Variants in BMP1 observed in about 807,000 individuals in gnomAD.
BMP1 encodes the protein bone morphogenetic protein 1.
A neutral mutation model predicts 116.8 loss-of-function variants in BMP1; 63 were observed. That is an observed-to-expected ratio of 0.54 (90% confidence interval 0.44 to 0.67). The LOEUF is 0.67. BMP1 is among the 30% of genes least tolerant of loss of function. The probability of loss-of-function intolerance (pLI) is 0.00; values close to 1 mark genes in which losing one functional copy is unlikely to be tolerated. For synonymous variants in BMP1, 536 were observed against 533.4 expected (o/e 1.00, Z -0.07); for missense variants, 1,183 against 1,358.9 (o/e 0.87, Z 2.04).
chr8:22,182,718 T>C (rs1428696662), intron 8 of BMP1, among the ~76,000 whole-genome samples: 1 of 152,210 alleles, frequency 6.6e-6, no homozygotes, highest in African/African-American at 2.4e-5. Flanking sequence ...TCACTGGGGA[T>C]TGACGTTTGG....
intron 1 of BMP1, chr8:22,171,608 T>G (rs1374895476): frequency 6.6e-6 from 1 of 152,250 alleles, no homozygotes; most frequent in Admixed American, 6.5e-5. Flanking sequence ...TATCTATTTT[T>G]GTATATATGT....
Position 22,207,460 on chromosome 8 carries a change from G to A in BMP1, c.2519G>A (p.Arg840His), listed in dbSNP as rs145359380. The change falls in exon 18 of 20, where the codon CGC becomes CAC. Residue 840 changes from arginine (R) to histidine (H), a missense_variant. By Grantham distance (29) the Arg-to-His change is conservative (BLOSUM62 0). Transcript: ENST00000306385. Reference protein sequence around the residue: ...VLATGSRMFLRFYSDNSVQRK... With the variant: ...VLATGSRMFLHFYSDNSVQRK... Reference sequence around the variant, plus strand: ...GCCACAGGCAGCCGCATGTTCCTGCGCTTCTACTCAGATAACTCGGTCCAG... The same window carrying A: ...GCCACAGGCAGCCGCATGTTCCTGCACTTCTACTCAGATAACTCGGTCCAG... 163 of 1,614,060 alleles carry A rather than the reference G, an allele frequency of 1.0e-4. No individual in the cohort carries two copies. Among genetic ancestry groups the A allele is most frequent in the Admixed American group, 2.2e-4 (13 of 60,036 alleles).
At chr8:22,189,459 C>CAT (rs1305471241) in intron 8 of BMP1, among the ~76,000 whole-genome samples, 9 of 147,800 alleles carry the variant, frequency 6.1e-5, no homozygotes, top group African/African-American at 2.2e-4. Flanking sequence ...CACACACACA[C>CAT]ACATATCTTA....
chr8:22,165,878 C>CGTGGGTGTGTGTGTGGGTGTGTGT (rs1432185239), intron 1 of BMP1, among the ~76,000 whole-genome samples: 1 of 67,712 alleles, frequency 1.5e-5, no homozygotes, highest in African/African-American at 4.5e-5. Flanking sequence ...AACTCCTGTG[C>CGTGGGTGTGTGTGTGGGTGTGTGT]GTGCGTGTGT....
In BMP1 at chr8:22,194,872, C is replaced by A; in HGVS notation, c.1592C>A (p.Ser531Tyr). ...AGCCGCCTCTGGCTCAAGTTCGTCTCTGACGGGTCCATTAACAAAGCGGGC... is the reference window on the plus strand; with the variant it reads ...AGCCGCCTCTGGCTCAAGTTCGTCTATGACGGGTCCATTAACAAAGCGGGC... ...TSSRLWLKFVSDGSINKAGFA... is the reference protein window; with the variant it reads ...TSSRLWLKFVYDGSINKAGFA... Residue 531 changes from serine (S) to tyrosine (Y), a missense_variant, in exon 12 of 20, where the codon TCT (serine) becomes TAT (tyrosine). Around this residue, in one of 4 missense-constraint regions of BMP1, gnomAD observed 956 missense variants for 1,135.2 expected, o/e 0.84. Transcript: ENST00000306385. This position sits in a 1 kb window ranked among gnomAD's most constrained non-coding sequence, Gnocchi z 4.5. The A allele has an allele frequency of 6.2e-7, 1 of 1,613,576 alleles. No homozygotes were observed. The highest frequency in any genetic ancestry group is 8.5e-7 in the Non-Finnish European group (1 of 1,179,884).
chr8:22,168,387 C>A (rs899233568), intron 1 of BMP1, among the ~76,000 whole-genome samples: 2 of 151,790 alleles, frequency 1.3e-5, no homozygotes, highest in Admixed American at 6.6e-5. Flanking sequence ...CTAGCCAACA[C>A]CCCCCCGGAG....
chr8:22,201,265 G>C, intron 15 of BMP1: 2 of 1,554,990 alleles, frequency 1.3e-6, no homozygotes, highest in Non-Finnish European at 1.7e-6. Flanking sequence ...GGAATGGGAT[G>C]GGGGCTTCGG....
chr8:22,182,327 A>G (rs949367853), intron 8 of BMP1, among the ~76,000 whole-genome samples: 1 of 152,202 alleles, frequency 6.6e-6, no homozygotes, highest in African/African-American at 2.4e-5. Flanking sequence ...AGAACAGCAC[A>G]CAAACCAAAG....
chr8:22,194,868 G>T lies in BMP1; in HGVS notation c.1588G>T (p.Val530Phe), dbSNP rs374125185. The T allele has an allele frequency of 6.2e-7, 1 of 1,613,636 alleles. No individual in the cohort carries two copies. Among genetic ancestry groups the T allele is most frequent in the African/African-American group, 1.3e-5 (1 of 74,894 alleles). The stretch of plus-strand genomic sequence containing the variant: ...GTCCAGCCGCCTCTGGCTCAAGTTC[G>T]TCTCTGACGGGTCCATTAACAAAGC... Reference protein sequence around the residue: ...STSSRLWLKFVSDGSINKAGF... With the variant: ...STSSRLWLKFFSDGSINKAGF... Residue 530 changes from valine to phenylalanine, a missense_variant, in exon 12 of 20, where the codon GTC becomes TTC. This residue lies in a region of BMP1 where 956 missense variants were observed against 1,135.2 expected (regional missense o/e 0.84). Coordinates refer to ENST00000306385, the MANE Select transcript of BMP1 (RefSeq NM_006129.5). The surrounding 1 kb of genome is among the most constrained non-coding windows in gnomAD (Gnocchi z 4.5).
In BMP1 at chr8:22,179,937, A is replaced by T; in HGVS notation, c.961+108A>T. The T allele has an allele frequency of 8.0e-7, 1 of 1,256,108 alleles. No homozygotes were observed. The highest frequency in any genetic ancestry group is 1.1e-6 in the Non-Finnish European group (1 of 914,984). The allele number at this position is 1,256,108 out of a possible 1,614,324, so 77.8% of individuals were successfully genotyped here. On this transcript the variant is annotated intron_variant, in intron 7 of 19. Transcript: ENST00000306385. The surrounding 1 kb of genome is among the most constrained non-coding windows in gnomAD (Gnocchi z 4.6). Reference sequence around the variant, plus strand: ...AGGCTTAGGCTGCAAGTCTTAGAGAATGGTGTGGCGGGGGAGGGGACCCCA... The same window carrying T: ...AGGCTTAGGCTGCAAGTCTTAGAGATTGGTGTGGCGGGGGAGGGGACCCCA...
At chr8:22,192,923 G>A (rs943427143) in intron 9 of BMP1, among the ~76,000 whole-genome samples, 28 of 152,164 alleles carry the variant, frequency 1.8e-4, no homozygotes, top group Non-Finnish European at 3.5e-4. Context: ...ACAGCCAGAC[G>A]GATATTGCTA....
Position 22,196,754 on chromosome 8 carries a change from A to C in BMP1, c.1840A>C (p.Asn614His). The change falls in exon 14 of 20, where the codon AAC (asparagine) becomes CAC (histidine). Residue 614 changes from asparagine (N) to histidine (H), a missense_variant. Physicochemically the swap from Asn to His is moderately conservative, Grantham distance 68. Transcript: ENST00000306385. ...GGGCTGGCCCAAGGAGTACCCCCCC[A>C]ACAAGAACTGCATCTGGCAGCTGGT... is the stretch of plus-strand genomic sequence containing the variant. Reference protein sequence around the residue: ...SPGWPKEYPPNKNCIWQLVAP... With the variant: ...SPGWPKEYPPHKNCIWQLVAP... 1 of 1,612,434 alleles carries C rather than the reference A, an allele frequency of 6.2e-7. No homozygotes were observed. The highest frequency in any genetic ancestry group is 8.5e-7 in the Non-Finnish European group (1 of 1,179,378).
intron 13 of BMP1, chr8:22,196,321 C>T (rs201799750): frequency 3.8e-4 from 215 of 570,126 alleles, no homozygotes; most frequent in Non-Finnish European, 6.4e-4. Context: ...GCTGTGCCCC[C>T]GAGCTGCTCC....
Position 22,194,068 on chromosome 8 carries a change from C to T in BMP1, c.1191C>T (p.Cys397=), listed in dbSNP as rs776756837. 8.7e-6 allele frequency: 14 copies of T among 1,614,072 alleles called. No individual in the cohort carries two copies. The highest frequency in any genetic ancestry group is 4.5e-5 in the East Asian group (2 of 44,874). The change falls in exon 10 of 20, where the codon TGC becomes TGT. Residue 397 remains cysteine (C), a synonymous_variant. Coordinates refer to ENST00000306385, the MANE Select transcript of BMP1 (RefSeq NM_006129.5). The surrounding 1 kb of genome is among the most constrained non-coding windows in gnomAD (Gnocchi z 4.5). ...WRKAPLRGRF[C]GSKLPEPIVS... ...ACACTGTCTGTGCAGGCCGCTTCTG[C>T]GGGTCCAAACTCCCTGAGCCTATCG...
intron 8 of BMP1, among the ~76,000 whole-genome samples, chr8:22,187,324 A>ATTT (rs1563255890): frequency 6.8e-5 from 10 of 147,002 alleles, no homozygotes; most frequent in African/African-American, 2.0e-4. Flanking sequence ...TTAATTAATT[A>ATTT]ATTAATTTAT....
intron 7 of BMP1, among the ~76,000 whole-genome samples, chr8:22,180,143 A>G (rs1214584032): frequency 2.6e-5 from 4 of 151,858 alleles, no homozygotes; most frequent in African/African-American, 9.7e-5. Flanking sequence ...TGGAACCCAT[A>G]TTGCCTTCAC....
chr8:22,165,882 C>CGTGCGTGTGTGTGTGTGTGT (rs1016666673), intron 1 of BMP1, among the ~76,000 whole-genome samples: 3 of 131,418 alleles, frequency 2.3e-5, no homozygotes, highest in East Asian at 5.2e-4. Context: ...CCTGTGCGTG[C>CGTGCGTGTGTGTGTGTGTGT]GTGTGTGTGT....
chr8:22,192,924 G>A (rs1828976561), intron 9 of BMP1, among the ~76,000 whole-genome samples: 1 of 152,176 alleles, frequency 6.6e-6, no homozygotes, highest in Non-Finnish European at 1.5e-5. Context: ...CAGCCAGACG[G>A]ATATTGCTAA....
intron 6 of BMP1, among the ~76,000 whole-genome samples, chr8:22,178,623 C>T (rs981605189): frequency 4.6e-5 from 7 of 152,098 alleles, no homozygotes; most frequent in African/African-American, 1.4e-4. Context: ...CCAGTTTGCA[C>T]GAAGCCTGAC....
Sources: allele counts gnomAD v4.1 joint callset (sites outside exome capture counted in the v4.1 genomes callset), GRCh38; gene constraint gnomAD v4.1.1; regional missense constraint gnomAD v4.1.1; non-coding constraint Gnocchi (gnomAD v3.1); transcripts MANE v1.5; gene names NCBI Gene and HGNC (gene_info 2026-07-23, HGNC 2026-07-21).